The following AKT3 variants were observed in gnomAD, a reference collection of about 807,000 sequenced individuals.
AKT3 encodes the protein AKT serine/threonine kinase 3.
In AKT3, 15 loss-of-function variants were observed where a neutral mutation model predicts 65.3. The ratio of observed to expected loss-of-function variants is 0.23; its 90% CI spans 0.15 to 0.35. The LOEUF (loss-of-function observed/expected upper bound fraction) is 0.35. Ranked by LOEUF, AKT3 falls within the 10% of genes least tolerant of loss-of-function variation. AKT3 has a pLI of 1.00. For missense variants in AKT3, 243 were observed against 576.5 expected (o/e 0.42, Z 5.92); for synonymous variants, 206 against 183.8 (o/e 1.12, Z -0.98).
intron 3 of AKT3, among the ~76,000 whole-genome samples, chr1:243,683,155 A>T (rs1684042069): frequency 6.6e-6 from 1 of 152,188 alleles, no homozygotes; most frequent in African/African-American, 2.4e-5. Flanking sequence ...CAAGTCATAT[A>T]ACCACTCTGA....
intron 2 of AKT3, among the ~76,000 whole-genome samples, chr1:243,773,111 C>T (rs572742682): frequency 1.5e-3 from 233 of 151,318 alleles, no homozygotes; most frequent in Middle Eastern, 3.4e-3. Flanking sequence ...GGGTGCAGCA[C>T]ACCAACATGG....
chr1:243,840,680 G>A (rs1382736931), intron 2 of AKT3, among the ~76,000 whole-genome samples: 3 of 151,114 alleles, frequency 2.0e-5, no homozygotes, highest in African/African-American at 7.3e-5. Flanking sequence ...AAGGGAATGT[G>A]AGGAATTCAA....
chr1:243,749,527 A>G (rs1688674537), intron 2 of AKT3, among the ~76,000 whole-genome samples: 1 of 152,132 alleles, frequency 6.6e-6, no homozygotes, highest in Non-Finnish European at 1.5e-5. Flanking sequence ...CTTATAACAA[A>G]GGAAGTCATA....
At chr1:243,660,568 A>G (rs1682228488) in intron 4 of AKT3, among the ~76,000 whole-genome samples, 1 of 152,206 alleles carries the variant, frequency 6.6e-6, no homozygotes, top group South Asian at 2.1e-4. Context: ...TCTCAAAATA[A>G]TAAGAGCTAT....
In AKT3 at chr1:243,622,154, T is replaced by G. The variant is rs1027150547; in HGVS notation, c.562-6993A>C. ...CCACACCATGCTAGACTCCTAGCTA[T>G]TCAAAGAATGTGTTAGAATGTGCTA... On this transcript the variant is annotated intron_variant, in intron 6 of 13. Coordinates refer to ENST00000673466, the MANE Select transcript of AKT3 (RefSeq NM_005465.7). Among the ~76,000 whole-genome samples, 4 of 152,206 alleles carry G rather than the reference T, an allele frequency of 2.6e-5. No individual in the cohort carries two copies. The South Asian group carries it at 6.2e-4, about 24-fold the overall frequency.
chr1:243,748,902 G>T (rs924020943), intron 2 of AKT3, among the ~76,000 whole-genome samples: 1 of 152,088 alleles, frequency 6.6e-6, no homozygotes, highest in Non-Finnish European at 1.5e-5. Flanking sequence ...CAACTCCATT[G>T]AAGTACTACT....
intron 12 of AKT3, among the ~76,000 whole-genome samples, chr1:243,514,430 C>A (rs563204090): frequency 6.2e-4 from 94 of 152,268 alleles, no homozygotes; most frequent in African/African-American, 2.3e-3. Flanking sequence ...ACTTTCCTGA[C>A]CGCCTTCTTA....
intron 2 of AKT3, among the ~76,000 whole-genome samples, chr1:243,699,465 C>CTATATATATATATATATATATA (rs58911364): frequency 4.8e-5 from 5 of 103,612 alleles, no homozygotes; most frequent in Non-Finnish European, 9.0e-5. Context: ...ACCTCTTCCA[C>CTATATATATATATATATATATA]TATATATATA....
intron 2 of AKT3, among the ~76,000 whole-genome samples, chr1:243,764,778 A>G (rs1339699407): frequency 6.6e-6 from 1 of 152,114 alleles, no homozygotes; most frequent in African/African-American, 2.4e-5. Flanking sequence ...CACACCTACA[A>G]TCTCATCATA....
At chr1:243,676,820 G>T (rs1026393638) in intron 3 of AKT3, among the ~76,000 whole-genome samples, 1 of 151,930 alleles carries the variant, frequency 6.6e-6, no homozygotes, top group Non-Finnish European at 1.5e-5. Flanking sequence ...CACCCAACCC[G>T]GGAACTTACT....
intron 9 of AKT3, among the ~76,000 whole-genome samples, chr1:243,572,522 T>C (rs1019047843): frequency 3.3e-5 from 5 of 152,180 alleles, no homozygotes; most frequent in Non-Finnish European, 5.9e-5. Context: ...ATTAAAATGC[T>C]TCAGGTATTT....
chr1:243,807,100 G>A (rs997509580), intron 2 of AKT3, among the ~76,000 whole-genome samples: 3 of 152,220 alleles, frequency 2.0e-5, no homozygotes, highest in Non-Finnish European at 2.9e-5. Flanking sequence ...ACAGATCCCA[G>A]TGTGAGCGAC....
intron 3 of AKT3, among the ~76,000 whole-genome samples, chr1:243,683,114 G>A (rs1228882676): frequency 6.6e-6 from 1 of 152,082 alleles, no homozygotes; most frequent in Non-Finnish European, 1.5e-5. Context: ...TCATGCTGTG[G>A]GCTCTGCCAT....
intron 4 of AKT3, among the ~76,000 whole-genome samples, chr1:243,652,717 A>G (rs528432794): frequency 9.3e-5 from 14 of 150,070 alleles, no homozygotes; most frequent in Non-Finnish European, 1.9e-4. Context: ...ATGCAAAGAC[A>G]CACACAGGCT....
At chr1:243,594,875 T>A (rs1448668319) in intron 8 of AKT3, among the ~76,000 whole-genome samples, 8 of 152,162 alleles carry the variant, frequency 5.3e-5, no homozygotes, top group Non-Finnish European at 8.8e-5. Flanking sequence ...CCCCCATGTC[T>A]GACTAAAGGA....
intron 2 of AKT3, among the ~76,000 whole-genome samples, chr1:243,728,545 T>A (rs1687355202): frequency 6.6e-6 from 1 of 152,198 alleles, no homozygotes; most frequent in Non-Finnish European, 1.5e-5. Context: ...TGAATTTAGA[T>A]CATAAACCTT....
chr1:243,794,053 G>A (rs1018323288), intron 2 of AKT3, among the ~76,000 whole-genome samples: 1 of 152,146 alleles, frequency 6.6e-6, no homozygotes, highest in Non-Finnish European at 1.5e-5. Context: ...TTTTGAGACA[G>A]GGTCTCATTC....
intron 2 of AKT3, among the ~76,000 whole-genome samples, chr1:243,754,518 G>T (rs908569482): frequency 1.3e-5 from 2 of 152,132 alleles, no homozygotes; most frequent in African/African-American, 4.8e-5. Flanking sequence ...CCCCACCCCT[G>T]GGCCGCGGAT....
chr1:243,655,857 A>G (rs576529178), intron 4 of AKT3, among the ~76,000 whole-genome samples: 1 of 152,226 alleles, frequency 6.6e-6, no homozygotes, highest in East Asian at 1.9e-4. Context: ...ATACCACTTC[A>G]AGAACTAGCA....
Sources: gnomAD v4.1 joint callset for allele counts (sites outside exome capture counted in the v4.1 genomes callset) on GRCh38, gnomAD v4.1.1 for gene constraint, MANE v1.5 for transcripts, NCBI Gene and HGNC (gene_info 2026-07-23, HGNC 2026-07-21) for gene names.